CES3: variants seen among roughly 807,000 people sequenced by gnomAD.
The protein encoded by CES3 is carboxylesterase 3 (brain).
CES3 carries 49 observed loss-of-function variants against 57.6 expected under a neutral mutation model. That is an observed-to-expected ratio of 0.85 (90% CI 0.68 to 1.08). The LOEUF is 1.08. Among genes scored for constraint, CES3 ranks in the 50% least tolerant of loss-of-function variants. The pLI, the probability that CES3 is intolerant of heterozygous loss-of-function variation, is 0.00. For synonymous variants in CES3, 266 were observed against 281.6 expected, an observed-to-expected ratio of 0.94 and a Z score of 0.55; for missense variants, 645 against 742.0, an observed-to-expected ratio of 0.87 and a Z score of 1.52.
At chr16:66,970,307 C>A (rs1402987470) in intron 9 of CES3, among the ~76,000 whole-genome samples, 1 of 152,160 alleles carries the variant, frequency 6.6e-6, no homozygotes, top group Non-Finnish European at 1.5e-5. Flanking sequence ...AGGGTTTCAC[C>A]ATGTTGGCCA....
rs1298305210 is a variant in CES3 at position 66,963,471 on chromosome 16, AGGCCCACCCTT to A, written c.288-15_288-5del. ...TTGTGGGGCTGAACAGCTGGACCTC[AGGCCCACCCTT>A]GGCCACAGGTGCCTACAAGACGTGG... On this transcript the variant is annotated splice_polypyrimidine_tract_variant and intron_variant, in intron 2 of 12. Transcript: ENST00000303334. This position sits in a 1 kb window ranked among gnomAD's most constrained non-coding sequence, Gnocchi z 4.9. 1.9e-6 allele frequency: 3 copies of A among 1,609,542 alleles called. No individual in the cohort carries two copies. Among genetic ancestry groups the A allele is most frequent in the Admixed American group, 1.7e-5 (1 of 59,926 alleles).
chr16:66,965,310 C>G (rs1267080685), intron 6 of CES3, among the ~76,000 whole-genome samples: 1 of 152,172 alleles, frequency 6.6e-6, no homozygotes, highest in Non-Finnish European at 1.5e-5. Flanking sequence ...GTTGAGCTAC[C>G]TGGAGTAGAA....
intron 8 of CES3, among the ~76,000 whole-genome samples, chr16:66,968,101 G>A (rs1026084664): frequency 1.9e-4 from 29 of 152,042 alleles, no homozygotes; most frequent in Admixed American, 1.6e-3. Context: ...CAAATGGAGC[G>A]TCTCGTTACA....
intron 6 of CES3, 42 bp from the exon 7 acceptor site, chr16:66,966,202 G>A: frequency 6.3e-7 from 1 of 1,578,626 alleles, no homozygotes; most frequent in Non-Finnish European, 8.7e-7. Flanking sequence ...AGGTGGGGCT[G>A]AGTGGCTGAG....
intron 6 of CES3, 76 bp downstream of exon 6, chr16:66,964,803 G>A (rs1963707880): frequency 1.6e-6 from 2 of 1,246,960 alleles, no homozygotes; most frequent in East Asian, 2.5e-5. Context: ...GGGTCTCAGA[G>A]TAGCGGGGTT....
intron 4 of CES3, 75 bp downstream of exon 4, chr16:66,964,010 G>T: frequency 6.3e-7 from 1 of 1,579,616 alleles, no homozygotes; most frequent in Admixed American, 1.7e-5. Flanking sequence ...TGGGGATCTA[G>T]GTTGGGGTCC....
At chr16:66,964,096 G>T (rs1309272458) in intron 4 of CES3, among the ~76,000 whole-genome samples, 161 bp downstream of exon 4, 1 of 152,200 alleles carries the variant, frequency 6.6e-6, no homozygotes, top group African/African-American at 2.4e-5. Flanking sequence ...CACCCTGGGA[G>T]AGGGGTCCAG....
intron 10 of CES3, 67 bp from the exon 11 acceptor site, chr16:66,972,289 G>A (rs1963846466): frequency 2.8e-6 from 4 of 1,411,160 alleles, no homozygotes; most frequent in Non-Finnish European, 2.9e-6. Context: ...TTATGAGCAT[G>A]TGCTGCCAAA....
At chr16:66,972,815 C>G (rs933407078) in intron 12 of CES3, 39 bp from the exon 13 acceptor site, 4 of 1,613,802 alleles carry the variant, frequency 2.5e-6, no homozygotes, top group Middle Eastern at 1.7e-4. Context: ...TGGGGGACAG[C>G]ACAGGAAGCC....
intron 6 of CES3, 138 bp from the exon 7 acceptor site, chr16:66,966,106 T>C (rs1474890623): frequency 2.8e-6 from 2 of 726,528 alleles, no homozygotes; most frequent in Admixed American, 2.5e-5. Context: ...TGGTGACAAG[T>C]CTGTGACCAG....
chr16:66,971,127 C>A (rs1182437245), intron 9 of CES3, 45 bp from the exon 10 acceptor site: 1 of 1,571,578 alleles, frequency 6.4e-7, no homozygotes, highest in South Asian at 1.2e-5. Context: ...TGGTCTGCCA[C>A]ATCTGTGCAC....
Position 66,973,013 on chromosome 16 carries a change from G to A in CES3, c.1680G>A (p.Gln560=), listed in dbSNP as rs779686105. ...TLPSKIQQWH[Q]KQKNRKAQED... ...CCAGCAAGATACAACAGTGGCACCA[G>A]AAGCAGAAGAACAGGAAGGCCCAGG... The change falls in exon 13 of 13, where the codon CAG becomes CAA. Residue 560 remains glutamine, a synonymous_variant. Transcript: ENST00000303334. The A allele has an allele frequency of 6.2e-7, 1 of 1,614,090 alleles. No individual in the cohort carries two copies. The highest frequency in any genetic ancestry group is 2.2e-5 in the East Asian group (1 of 44,884).
chr16:66,966,144 C>T lies in CES3; in HGVS notation c.820-100C>T. The T allele has an allele frequency of 7.7e-6, 8 of 1,034,086 alleles. 1 individual carries two copies. In the South Asian group the frequency reaches 1.1e-4, roughly 15 times the overall value. The allele number at this position is 1,034,086 out of a possible 1,614,324, so 64.1% of individuals were successfully genotyped here. On this transcript the variant is annotated intron_variant, in intron 6 of 12. Coordinates refer to ENST00000303334, the MANE Select transcript of CES3 (RefSeq NM_024922.6). ...TCGAGGCCGATCTGTGACATCACAT[C>T]CAGCTGTCCTACAGATGCACCCTCT...
At chr16:66,969,839 T>C (rs1963800170) in intron 9 of CES3, 80 bp downstream of exon 9, 12 of 1,276,504 alleles carry the variant, frequency 9.4e-6, no homozygotes, top group Non-Finnish European at 1.2e-5. Context: ...GCACAGTCTC[T>C]GCCCCTACCT....
chr16:66,967,260 G>T (rs1260026462), intron 8 of CES3, among the ~76,000 whole-genome samples: 1 of 152,052 alleles, frequency 6.6e-6, no homozygotes, highest in Non-Finnish European at 1.5e-5. Flanking sequence ...CACCACGTTG[G>T]CCAGGCTGGT....
chr16:66,972,961 G>C lies in CES3; in HGVS notation c.1628G>C (p.Trp543Ser). The change falls in exon 13 of 13, where the codon TGG (tryptophan) becomes TCG (serine). Residue 543 changes from tryptophan to serine, a missense_variant. By Grantham distance (177) the Trp-to-Ser change is radical (BLOSUM62 -3). Transcript: ENST00000303334. The part of the protein sequence containing the change: ...PRAGQKFREA[W>S]MQFWSETLPS... Reference sequence around the variant, plus strand: ...GCCGGACAGAAGTTCAGGGAGGCCTGGATGCAGTTCTGGTCAGAGACGCTC... The same window carrying C: ...GCCGGACAGAAGTTCAGGGAGGCCTCGATGCAGTTCTGGTCAGAGACGCTC... The C allele has an allele frequency of 6.2e-7, 1 of 1,614,148 alleles. No individual in the cohort carries two copies. Among genetic ancestry groups the C allele is most frequent in the Non-Finnish European group, 8.5e-7 (1 of 1,180,040 alleles).
At chr16:66,965,557 G>T (rs754911271) in intron 6 of CES3, among the ~76,000 whole-genome samples, 22 of 152,162 alleles carry the variant, frequency 1.4e-4, no homozygotes, top group Non-Finnish European at 3.2e-4. Context: ...ACCTCTGCGT[G>T]GGCATGTTGA....
chr16:66,963,309 C>A lies in CES3; in HGVS notation c.213C>A (p.Gly71=). Residue 71 remains glycine, a synonymous_variant, in exon 2 of 13, where the codon GGC becomes GGA. Coordinates refer to ENST00000303334, the MANE Select transcript of CES3 (RefSeq NM_024922.6). The surrounding 1 kb of genome is among the most constrained non-coding windows in gnomAD (Gnocchi z 4.9). ...TTCCATTTGCCCAGCCGCCACTGGGCCCTGACCGGTTCTCAGCCCCACACC... is the reference window on the plus strand; with the variant it reads ...TTCCATTTGCCCAGCCGCCACTGGGACCTGACCGGTTCTCAGCCCCACACC... ...LGIPFAQPPL[G]PDRFSAPHPA... The A allele has an allele frequency of 1.2e-6, 2 of 1,613,840 alleles. No homozygotes were observed. The highest frequency in any genetic ancestry group is 8.5e-7 in the Non-Finnish European group (1 of 1,180,034).
chr16:66,972,300 G>A (rs1185882564), intron 10 of CES3, 56 bp from the exon 11 acceptor site: 3 of 1,487,884 alleles, frequency 2.0e-6, no homozygotes, highest in Non-Finnish European at 2.7e-6. Flanking sequence ...TGCTGCCAAA[G>A]GCAGCATCGA....
Sources: gnomAD v4.1 joint callset for allele counts (sites outside exome capture counted in the v4.1 genomes callset) on GRCh38, gnomAD v4.1.1 for gene constraint, Gnocchi (gnomAD v3.1) non-coding constraint, MANE v1.5 for transcripts, NCBI Gene and HGNC (gene_info 2026-07-23, HGNC 2026-07-21) for gene names.